Variants in MTERF4 observed in about 807,000 individuals in gnomAD.
MTERF4 encodes mitochondrial transcription termination factor 4, also known as transcription termination factor 4, mitochondrial.
Under a neutral mutation model 22.5 loss-of-function variants are expected in MTERF4, and 17 were observed. The ratio of observed to expected loss-of-function variants is 0.75; its 90% CI spans 0.52 to 1.13. The LOEUF is 1.13. Among genes scored for constraint, MTERF4 ranks in the 50% most tolerant of loss-of-function variants. The pLI is 0.00. For synonymous variants in MTERF4, 165 were observed against 175.3 expected (o/e 0.94, Z 0.47); for missense variants, 420 against 466.8 (o/e 0.90, Z 0.92).
intron 2 of MTERF4, chr2:241,099,101 C>A: frequency 2.2e-5 from 5 of 223,320 alleles, no homozygotes; most frequent in East Asian, 1.0e-4. Flanking sequence ...TTTTTTGAGA[C>A]AGCCTTGCTG....
At chr2:241,067,924 G>C (rs746644730), downstream of MTERF4, 2 of 1,612,504 alleles carry the variant, frequency 1.2e-6, no homozygotes, top group African/African-American at 2.7e-5. Flanking sequence ...ATGTGGACAG[G>C]AGTGTGGACA....
exon 5 of MTERF4, chr2:241,074,813 C>T (rs1219627163): frequency 6.6e-6 from 1 of 152,196 alleles, no homozygotes; most frequent in Non-Finnish European, 1.5e-5. Flanking sequence ...AGAACCCAAC[C>T]TATAAACTTG....
At chr2:241,069,410 C>G (rs1033834760), downstream of MTERF4, among the ~76,000 whole-genome samples, 1 of 152,196 alleles carries the variant, frequency 6.6e-6, no homozygotes, top group African/African-American at 2.4e-5. This position sits in a 1 kb window ranked among gnomAD's most constrained non-coding sequence, Gnocchi z 4.9. Flanking sequence ...GCCCACACCC[C>G]CTCCCCAGTG....
chr2:241,057,434 A>C, the MTERF4 span, among the ~76,000 whole-genome samples: 4,071 of 144,940 alleles, frequency 0.028, 308 homozygotes, highest in East Asian at 0.19. Context: ...TGGCTCACAC[A>C]TATAATGGGA....
downstream of MTERF4, chr2:241,095,060 G>GCC (rs10573691): frequency 1.1e-4 from 10 of 90,370 alleles, no homozygotes; most frequent in South Asian, 4.9e-4. Flanking sequence ...AAGGTGACAC[G>GCC]CCCCCCCCCC....
At chr2:241,094,144 G>A (rs1413486101), downstream of MTERF4, 2 of 365,266 alleles carry the variant, frequency 5.5e-6, no homozygotes, top group African/African-American at 4.3e-5. This position sits in a 1 kb window ranked among gnomAD's most constrained non-coding sequence, Gnocchi z 4.3. Context: ...GCCAAGCAAG[G>A]CAATAAAGAC....
At chr2:241,079,302 C>T (rs946579954) in intron 4 of MTERF4, among the ~76,000 whole-genome samples, 54 of 143,514 alleles carry the variant, frequency 3.8e-4, no homozygotes, top group Non-Finnish European at 5.3e-4. Context: ...GTCCCAGCTA[C>T]TCAGGAGGCT....
Position 241,095,708 on chromosome 2 carries a change from T to G in MTERF4, c.*290A>C. On this transcript the variant is annotated 3_prime_UTR_variant, in exon 4 of 4. Transcript: ENST00000391980. ...AAAGAGAAAAAAATAAAACCAATTGTTGATATATTGAGTCCCCTTGATGTG... is the reference window on the plus strand; with the variant it reads ...AAAGAGAAAAAAATAAAACCAATTGGTGATATATTGAGTCCCCTTGATGTG... 1 of 378,552 alleles carries G rather than the reference T, an allele frequency of 2.6e-6. No individual in the cohort carries two copies. The highest frequency in any genetic ancestry group is 4.7e-6 in the Non-Finnish European group (1 of 211,844). The allele number at this position is 378,552 out of a possible 1,614,324, so 23.4% of individuals were successfully genotyped here.
the MTERF4 span, among the ~76,000 whole-genome samples, chr2:241,046,142 T>TA: frequency 6.6e-6 from 1 of 151,984 alleles, no homozygotes; most frequent in East Asian, 1.9e-4. Context: ...TTAGAATGCC[T>TA]AAAAAAAATA....
chr2:241,067,952 GA>G, downstream of MTERF4: 1 of 1,602,104 alleles, frequency 6.2e-7, no homozygotes, highest in Non-Finnish European at 8.5e-7. Flanking sequence ...CTTTAGGTAA[GA>G]AGGGACACCC....
the MTERF4 span, chr2:241,052,525 A>T: frequency 7.5e-7 from 1 of 1,339,834 alleles, no homozygotes; most frequent in Non-Finnish European, 1.0e-6. Flanking sequence ...CAGGCAGGTG[A>T]GATGGCCAGG....
chr2:241,100,998 C>T lies in MTERF4; in HGVS notation c.22-1104G>A, dbSNP rs540530811. Among the ~76,000 whole-genome samples the T allele has an allele frequency of 6.6e-5, 10 of 152,296 alleles. No individual in the cohort carries two copies. In the East Asian group the frequency reaches 1.9e-3, roughly 29 times the overall value. ...CACAAATCATCCAGGCACTCTAAGC[C>T]AGCAGTCTTCAACGTTTTTGGCACC... is the stretch of plus-strand genomic sequence containing the variant. On this transcript the variant is annotated intron_variant, in intron 1 of 3. Transcript: ENST00000391980.
chr2:241,078,890 G>A (rs2063179894), intron 4 of MTERF4, among the ~76,000 whole-genome samples: 1 of 151,948 alleles, frequency 6.6e-6, no homozygotes, highest in African/African-American at 2.4e-5. Context: ...GAGGCAGGTG[G>A]ATCACTTGAG....
downstream of MTERF4, among the ~76,000 whole-genome samples, chr2:241,086,219 T>C (rs2125325796): frequency 6.6e-6 from 1 of 152,358 alleles, no homozygotes; most frequent in Admixed American, 6.5e-5. Context: ...CTACTCTGGC[T>C]CTGGAAATCG....
chr2:241,072,070 G>A, downstream of MTERF4: 4 of 705,006 alleles, frequency 5.7e-6, no homozygotes, highest in East Asian at 1.1e-4. Flanking sequence ...TCCATGGCAG[G>A]AGGGGCAGCT....
the MTERF4 span, chr2:241,051,878 AG>A: frequency 9.9e-6 from 15 of 1,522,622 alleles, no homozygotes; most frequent in African/African-American, 1.4e-5. The surrounding 1 kb of genome is among the most constrained non-coding windows in gnomAD (Gnocchi z 4.7). Flanking sequence ...CCCCAGGGGC[AG>A]GGGGGAGGGC....
chr2:241,062,944 C>A, the MTERF4 span: 2 of 1,326,218 alleles, frequency 1.5e-6, no homozygotes, highest in Non-Finnish European at 2.1e-6. Context: ...ACAGCTGCAG[C>A]ACACTGGCCA....
the MTERF4 span, chr2:241,065,582 G>A: frequency 6.2e-7 from 1 of 1,612,040 alleles, no homozygotes; most frequent in Non-Finnish European, 8.5e-7. Flanking sequence ...CTGCCGTGCT[G>A]CTGGCCCGCA....
At chr2:241,100,298 A>T (rs2064644106) in intron 1 of MTERF4, among the ~76,000 whole-genome samples, 1 of 152,176 alleles carries the variant, frequency 6.6e-6, no homozygotes, top group African/African-American at 2.4e-5. Context: ...TGGCCCTTGA[A>T]CAACAAGGGT....
Sources: gnomAD v4.1 joint callset for allele counts (sites outside exome capture counted in the v4.1 genomes callset) on GRCh38, gnomAD v4.1.1 for gene constraint, Gnocchi (gnomAD v3.1) non-coding constraint, MANE v1.5 for transcripts, NCBI Gene and HGNC (gene_info 2026-07-23, HGNC 2026-07-21) for gene names.